NPAS3: variants seen among roughly 807,000 people sequenced by gnomAD.
NPAS3 encodes the protein neuronal PAS domain protein 3.
A neutral mutation model predicts 73.1 loss-of-function variants in NPAS3; 14 were observed. The observed-to-expected ratio is 0.19, with a 90% confidence interval of 0.13 to 0.30. The LOEUF is 0.30. Ranked by LOEUF, NPAS3 falls within the 10% of genes least tolerant of loss-of-function variation. The pLI, the probability that NPAS3 is intolerant of heterozygous loss-of-function variation, is 1.00. For synonymous variants in NPAS3, 620 were observed against 541.5 expected (o/e 1.14, Z -2.01); for missense variants, 1,096 against 1,250.0 (o/e 0.88, Z 1.86).
At chr14:33,515,034 G>A (rs896410718) in intron 4 of NPAS3, among the ~76,000 whole-genome samples, 1 of 152,062 alleles carries the variant, frequency 6.6e-6, no homozygotes, top group Non-Finnish European at 1.5e-5. Context: ...CTTGCCCAAT[G>A]TTACACAGCG....
At chr14:33,631,128 C>A (rs1355770021) in intron 5 of NPAS3, among the ~76,000 whole-genome samples, 2 of 152,172 alleles carry the variant, frequency 1.3e-5, no homozygotes. Flanking sequence ...GAAAATGAAT[C>A]CTAACTTTAT....
chr14:33,266,919 GCTGCCTT>G (rs1333115823), intron 3 of NPAS3, among the ~76,000 whole-genome samples: 1 of 152,158 alleles, frequency 6.6e-6, no homozygotes, highest in Non-Finnish European at 1.5e-5. Context: ...TAGGAAAGTT[GCTGCCTT>G]AAAAAATTCT....
chr14:33,792,964 A>G (rs1222309104), intron 9 of NPAS3, among the ~76,000 whole-genome samples: 1 of 152,202 alleles, frequency 6.6e-6, no homozygotes. Flanking sequence ...GCACCCTTTT[A>G]AACCATTCCC....
At chr14:33,484,950 T>C (rs10148903) in intron 4 of NPAS3, among the ~76,000 whole-genome samples, 2,649 of 152,260 alleles carry the variant, frequency 0.017, 64 homozygotes, top group African/African-American at 0.059. Context: ...ACCCAGCTCA[T>C]CGGGCACTTC....
At chr14:32,974,996 G>A (rs758792612) in intron 1 of NPAS3, among the ~76,000 whole-genome samples, 1 of 152,182 alleles carries the variant, frequency 6.6e-6, no homozygotes, top group Non-Finnish European at 1.5e-5. Flanking sequence ...TCAGAATTTA[G>A]TGGGTAATCA....
At chr14:32,992,683 A>G (rs1302137574) in intron 1 of NPAS3, among the ~76,000 whole-genome samples, 1 of 152,228 alleles carries the variant, frequency 6.6e-6, no homozygotes, top group Non-Finnish European at 1.5e-5. Flanking sequence ...TCATGTGAAG[A>G]TACTAAATAT....
chr14:33,585,946 C>A (rs1361176671), intron 5 of NPAS3: 1 of 151,904 alleles, frequency 6.6e-6, no homozygotes, highest in Non-Finnish European at 1.5e-5. Flanking sequence ...TCATATTTTC[C>A]TTTATAAATA....
intron 2 of NPAS3, among the ~76,000 whole-genome samples, chr14:33,163,968 T>C (rs984040858): frequency 2.0e-5 from 3 of 152,308 alleles, no homozygotes; most frequent in Admixed American, 1.3e-4. Context: ...AATTGACTGA[T>C]TATACTGTCA....
chr14:33,158,148 T>C (rs1358309507), intron 2 of NPAS3, among the ~76,000 whole-genome samples: 5 of 152,230 alleles, frequency 3.3e-5, no homozygotes, highest in African/African-American at 4.8e-5. Context: ...TGAGCAGTGG[T>C]AGTCCGTTAG....
At chr14:33,361,716 G>A (rs1420551685) in intron 3 of NPAS3, among the ~76,000 whole-genome samples, 2 of 152,094 alleles carry the variant, frequency 1.3e-5, no homozygotes, top group Non-Finnish European at 2.9e-5. Context: ...CTAAATTGGT[G>A]ATATAACATG....
At chr14:32,979,513 G>A (rs531618719) in intron 1 of NPAS3, among the ~76,000 whole-genome samples, 37 of 152,110 alleles carry the variant, frequency 2.4e-4, no homozygotes, top group African/African-American at 8.7e-4. Flanking sequence ...AGGTCACATC[G>A]GTAGTAATAG....
chr14:33,262,617 T>C (rs1267092396), intron 3 of NPAS3, among the ~76,000 whole-genome samples: 2 of 152,220 alleles, frequency 1.3e-5, no homozygotes, highest in Admixed American at 6.5e-5. Flanking sequence ...TATTACAATT[T>C]TTTTAAATTG....
intron 6 of NPAS3, among the ~76,000 whole-genome samples, chr14:33,696,964 A>G (rs1212653878): frequency 1.3e-5 from 2 of 152,132 alleles, no homozygotes; most frequent in Admixed American, 1.3e-4. Context: ...TTCTCCACAA[A>G]TTTATGAACT....
At chr14:33,529,963 G>T (rs1448462927) in intron 4 of NPAS3, among the ~76,000 whole-genome samples, 1 of 152,116 alleles carries the variant, frequency 6.6e-6, no homozygotes, top group African/African-American at 2.4e-5. Flanking sequence ...AGATTCCAGG[G>T]ATGCGCCAGG....
intron 4 of NPAS3, among the ~76,000 whole-genome samples, chr14:33,501,027 T>A (rs1224343545): frequency 6.6e-6 from 1 of 152,060 alleles, no homozygotes; most frequent in East Asian, 1.9e-4. Flanking sequence ...GGATGTTGTC[T>A]TTCTCTTTGA....
chr14:33,088,313 A>G (rs965082934), intron 2 of NPAS3, among the ~76,000 whole-genome samples: 4 of 152,104 alleles, frequency 2.6e-5, no homozygotes, highest in African/African-American at 4.8e-5. Context: ...ACAGATGGCA[A>G]CTGGAAAATC....
At chr14:33,799,738 C>T (rs760349808) in exon 12 of NPAS3, 1 of 1,564,984 alleles carries the variant, frequency 6.4e-7, no homozygotes, top group African/African-American at 1.4e-5. Context: ...ACACAGAGGA[C>T]AACGAGAACT....
At chr14:32,965,761 G>A (rs2037126272) in intron 1 of NPAS3, among the ~76,000 whole-genome samples, 1 of 152,210 alleles carries the variant, frequency 6.6e-6, no homozygotes, top group African/African-American at 2.4e-5. Flanking sequence ...AAAGAATGAA[G>A]TCAGATTGTT....
At chr14:33,204,983 C>T (rs931875025) in intron 2 of NPAS3, among the ~76,000 whole-genome samples, 2 of 152,006 alleles carry the variant, frequency 1.3e-5, no homozygotes, top group African/African-American at 2.4e-5. Context: ...CAATTTGGAT[C>T]CAATAAATTA....
Sources: allele counts gnomAD v4.1 joint callset (sites outside exome capture counted in the v4.1 genomes callset), GRCh38; gene constraint gnomAD v4.1.1; transcripts MANE v1.5; gene names NCBI Gene and HGNC (gene_info 2026-07-23, HGNC 2026-07-21).